The following ASCL5 variants were observed in gnomAD, a reference collection of about 807,000 sequenced individuals.
The protein encoded by ASCL5 is achaete-scute homolog 5.
For missense variants in ASCL5, 262 were observed against 268.9 expected (o/e 0.97, Z 0.18); for synonymous variants, 124 against 131.5 (o/e 0.94, Z 0.39).
intron 1 of ASCL5, among the ~76,000 whole-genome samples, chr1:201,117,185 C>T (rs904802756): frequency 5.3e-5 from 8 of 152,190 alleles, no homozygotes; most frequent in African/African-American, 1.9e-4. Flanking sequence ...CCTGTAGTCC[C>T]AGCACTTTGG....
chr1:201,121,367 G>T lies in ASCL5; in HGVS notation c.-505-5490C>A, dbSNP rs558120233. ...CACACCTGTAATCCCAGCACTTTCG[G>T]AGGCCGAGGTGGGGGGATCGCTTGA... On this transcript the variant is annotated intron_variant, in intron 1 of 1. Transcript: ENST00000449188. 5.3e-5 allele frequency among the ~76,000 whole-genome samples: 8 copies of T among 152,312 alleles called. No homozygotes were observed. In the South Asian group the frequency reaches 1.7e-3, roughly 32 times the overall value.
intron 1 of ASCL5, among the ~76,000 whole-genome samples, chr1:201,126,494 A>G (rs1053166294): frequency 6.6e-6 from 1 of 152,230 alleles, no homozygotes; most frequent in African/African-American, 2.4e-5. Flanking sequence ...TATTTTTAGT[A>G]AATAGCATGA....
At chr1:201,125,454 C>T (rs1377107827) in intron 1 of ASCL5, among the ~76,000 whole-genome samples, 2 of 152,212 alleles carry the variant, frequency 1.3e-5, no homozygotes, top group Admixed American at 1.3e-4. Flanking sequence ...GGAGAATTAG[C>T]CCCTTGCCTT....
chr1:201,125,907 G>C (rs1043304531), intron 1 of ASCL5, among the ~76,000 whole-genome samples: 6 of 152,204 alleles, frequency 3.9e-5, no homozygotes, highest in Admixed American at 2.0e-4. Flanking sequence ...TGGTAGAGCA[G>C]CGATGCAGAG....
At chr1:201,117,173 C>T (rs1041892467) in intron 1 of ASCL5, among the ~76,000 whole-genome samples, 45 of 152,316 alleles carry the variant, frequency 3.0e-4, no homozygotes, top group Admixed American at 2.0e-3. Context: ...TGGTGGCTCA[C>T]GCCTGTAGTC....
chr1:201,120,372 C>G (rs1377884943), intron 1 of ASCL5, among the ~76,000 whole-genome samples: 1 of 152,098 alleles, frequency 6.6e-6, no homozygotes, highest in Non-Finnish European at 1.5e-5. Context: ...TGGTTTCATA[C>G]TCATCCCCTG....
At chr1:201,121,799 C>T (rs982435278) in intron 1 of ASCL5, among the ~76,000 whole-genome samples, 7 of 151,588 alleles carry the variant, frequency 4.6e-5, no homozygotes, top group African/African-American at 1.7e-4. Context: ...GCACTGCACC[C>T]AGCTGGGTGA....
rs765457926 is a variant in ASCL5, at chr1:201,115,646, C to A, written c.-274G>T. 2.6e-5 allele frequency: 7 copies of A among 273,286 alleles called. No individual in the cohort carries two copies. The highest frequency in any genetic ancestry group is 5.3e-5 in the Admixed American group (1 of 18,732). The allele number at this position is 273,286 out of a possible 1,614,324, so 16.9% of individuals were successfully genotyped here. ...CGCGGAACTCTGAGGGCCCGCACCC[C>A]GTTCCGCAGCACCCATGGGCATGGC... On this transcript the variant is annotated 5_prime_UTR_variant, in exon 2 of 2. Coordinates refer to ENST00000449188, the MANE Select transcript of ASCL5 (RefSeq NM_001270601.2).
rs1663301425 is a variant in ASCL5, at chr1:201,114,853, C to G, written c.520G>C (p.Asp174His). ...PATPRPDRPG[D>H]GEARAPSSLV... is the part of the protein sequence containing the mutation. The stretch of plus-strand genomic sequence containing the variant: ...GAGGAGGGCGCCCGGGCCTCGCCGT[C>G]GCCAGGGCGGTCGGGACGGGGGGTG... Residue 174 changes from aspartate to histidine, a missense_variant, in exon 2 of 2, where the codon GAC becomes CAC. Physicochemically the swap from Asp to His is moderately conservative, Grantham distance 81. Coordinates refer to ENST00000449188, the MANE Select transcript of ASCL5 (RefSeq NM_001270601.2). 1 of 1,227,610 alleles carries G rather than the reference C, an allele frequency of 8.1e-7. No homozygotes were observed. The highest frequency in any genetic ancestry group is 3.2e-5 in the East Asian group (1 of 31,416). The allele number at this position is 1,227,610 out of a possible 1,614,324, so 76.0% of individuals were successfully genotyped here.
chr1:201,123,582 T>C (rs973480978), intron 1 of ASCL5, among the ~76,000 whole-genome samples: 3 of 152,174 alleles, frequency 2.0e-5, no homozygotes, highest in Admixed American at 6.5e-5. Flanking sequence ...AGCTGATAAA[T>C]GTTGACCTGG....
At chr1:201,126,715 T>C (rs1226357523) in intron 1 of ASCL5, among the ~76,000 whole-genome samples, 2 of 152,164 alleles carry the variant, frequency 1.3e-5, no homozygotes, top group East Asian at 3.9e-4. Flanking sequence ...GGGCCATCTC[T>C]CCTGTGGCCA....
intron 1 of ASCL5, among the ~76,000 whole-genome samples, chr1:201,118,011 A>G (rs1370569442): frequency 6.6e-6 from 1 of 152,236 alleles, no homozygotes; most frequent in Non-Finnish European, 1.5e-5. Flanking sequence ...GTTTATGACA[A>G]TTTTAACAAG....
At chr1:201,124,600 C>T (rs768730976) in intron 1 of ASCL5, among the ~76,000 whole-genome samples, 6 of 152,166 alleles carry the variant, frequency 3.9e-5, no homozygotes, top group Admixed American at 6.5e-5. Flanking sequence ...TTGAGGGTTC[C>T]CAAGGAAGAT....
intron 1 of ASCL5, among the ~76,000 whole-genome samples, chr1:201,117,045 G>A (rs1663364739): frequency 6.6e-6 from 1 of 152,202 alleles, no homozygotes; most frequent in African/African-American, 2.4e-5. Context: ...TGCAGGCCCT[G>A]AGTCTGTTTC....
intron 1 of ASCL5, among the ~76,000 whole-genome samples, chr1:201,121,821 C>A (rs1375963799): frequency 1.3e-5 from 2 of 149,266 alleles, no homozygotes; most frequent in Non-Finnish European, 3.0e-5. Context: ...AGACTCAGAC[C>A]CTGTCTCAAA....
At chr1:201,123,466 C>T (rs1012061103) in intron 1 of ASCL5, among the ~76,000 whole-genome samples, 3 of 152,200 alleles carry the variant, frequency 2.0e-5, no homozygotes, top group Non-Finnish European at 4.4e-5. Context: ...AAGTGTGCTA[C>T]AAAACTCTCA....
chr1:201,115,127 T>G lies in ASCL5; in HGVS notation c.246A>C (p.Pro82=), dbSNP rs1663311581. The change falls in exon 2 of 2, where the codon CCA becomes CCC. Residue 82 remains proline (P), a synonymous_variant. Coordinates refer to ENST00000449188, the MANE Select transcript of ASCL5 (RefSeq NM_001270601.2). ...GCTCGTTGCGCTTCTGGATGAAGGC[T>G]GGCTCGAAGGGGTATTCGTAGACCC... ...AFGVYEYPFE[P]AFIQKRNERE... 1 of 1,231,718 alleles carries G rather than the reference T, an allele frequency of 8.1e-7. No individual in the cohort carries two copies. Among genetic ancestry groups the G allele is most frequent in the Non-Finnish European group, 1.0e-6 (1 of 987,986 alleles). 76.3% of individuals were successfully genotyped at this position (1,231,718 alleles called of 1,614,324 possible). A position where few individuals can be genotyped will look rare whatever the true frequency, so the allele number is the denominator to read the frequency against.
chr1:201,119,745 AC>A (rs1474940554), intron 1 of ASCL5, among the ~76,000 whole-genome samples: 1 of 152,182 alleles, frequency 6.6e-6, no homozygotes, highest in Non-Finnish European at 1.5e-5. Flanking sequence ...TAGGCAACTT[AC>A]TAGATAAAAA....
intron 1 of ASCL5, among the ~76,000 whole-genome samples, chr1:201,118,032 T>C (rs1046411753): frequency 6.6e-6 from 1 of 152,274 alleles, no homozygotes; most frequent in African/African-American, 2.4e-5. Context: ...TACAACTTAC[T>C]ATTTGTTCAT....
Sources: allele counts gnomAD v4.1 joint callset (sites outside exome capture counted in the v4.1 genomes callset), GRCh38; gene constraint gnomAD v4.1.1; transcripts MANE v1.5; gene names NCBI Gene and HGNC (gene_info 2026-07-23, HGNC 2026-07-21).